PRKCA: variants seen among roughly 807,000 people sequenced by gnomAD.
PRKCA encodes protein kinase C alpha.
PRKCA carries 27 observed loss-of-function variants against 87.0 expected under a neutral mutation model. That is an observed-to-expected ratio of 0.31 (90% confidence interval 0.23 to 0.43). The LOEUF (loss-of-function observed/expected upper bound fraction) is 0.43, where lower values mean the gene tolerates loss of function less well. Ranked by LOEUF, PRKCA falls within the 20% of genes least tolerant of loss-of-function variation. PRKCA has a pLI of 1.00. For missense variants in PRKCA, 518 were observed against 852.3 expected, an observed-to-expected ratio of 0.61 and a Z score of 4.88; for synonymous variants, 329 against 311.1, an observed-to-expected ratio of 1.06 and a Z score of -0.61.
intron 2 of PRKCA, among the ~76,000 whole-genome samples, chr17:66,388,083 G>A (rs562281714): frequency 6.6e-6 from 1 of 152,248 alleles, no homozygotes; most frequent in East Asian, 1.9e-4. Flanking sequence ...CTGGGCTTGA[G>A]GCAGGGGGAG....
At chr17:66,564,465 A>G (rs1214407983) in intron 3 of PRKCA, among the ~76,000 whole-genome samples, 2 of 152,136 alleles carry the variant, frequency 1.3e-5, no homozygotes, top group Non-Finnish European at 1.5e-5. Flanking sequence ...GCTTCTGGGA[A>G]AAAGAGGAAT....
At chr17:66,410,955 C>CTT (rs1477322676) in intron 2 of PRKCA, among the ~76,000 whole-genome samples, 1 of 152,160 alleles carries the variant, frequency 6.6e-6, no homozygotes, top group East Asian at 1.9e-4. Context: ...TTTGCTTTTG[C>CTT]TTTGCCTTAG....
At chr17:66,768,092 T>C (rs974624740) in intron 13 of PRKCA, among the ~76,000 whole-genome samples, 1 of 152,066 alleles carries the variant, frequency 6.6e-6, no homozygotes. Flanking sequence ...TACAGGTGTG[T>C]GCCACCGGAC....
intron 3 of PRKCA, among the ~76,000 whole-genome samples, chr17:66,513,410 A>G (rs1835152353): frequency 6.6e-6 from 1 of 152,254 alleles, no homozygotes; most frequent in Non-Finnish European, 1.5e-5. Flanking sequence ...TAATGTTTAG[A>G]ATATGCAGCC....
At chr17:66,354,655 T>G in intron 2 of PRKCA, among the ~76,000 whole-genome samples, 1 of 152,202 alleles carries the variant, frequency 6.6e-6, no homozygotes, top group African/African-American at 2.4e-5. Flanking sequence ...ATATTTGGCC[T>G]CGGACTGCCT....
At position 66,527,112 on chromosome 17, in the gene PRKCA, A is replaced by G. The variant is rs76652324; in HGVS notation, c.288+30829A>G. ...GCCTGCAGAGTTGAAAACATTGACT[A>G]CCGGGTTCTTTGCAGGTAAAGTTAG... On this transcript the variant is annotated intron_variant, in intron 3 of 16. Coordinates refer to ENST00000413366, the MANE Select transcript of PRKCA (RefSeq NM_002737.3). Among the ~76,000 whole-genome samples the G allele has an allele frequency of 5.7e-3, 865 of 152,168 alleles. 7 individuals carry two copies. Among genetic ancestry groups the G allele is most frequent in the African/African-American group, 0.019 (777 of 41,508 alleles).
At chr17:66,460,671 G>T (rs11652333) in intron 2 of PRKCA, among the ~76,000 whole-genome samples, 1,605 of 152,268 alleles carry the variant, frequency 0.011, 13 homozygotes, top group South Asian at 0.019. Context: ...GCTGGGTTTT[G>T]TGCCAACCTG....
chr17:66,484,911 C>T (rs1915932695), intron 2 of PRKCA, among the ~76,000 whole-genome samples: 1 of 150,344 alleles, frequency 6.7e-6, no homozygotes, highest in African/African-American at 2.4e-5. Context: ...AAAGGTAAAA[C>T]TACTTAATGA....
At chr17:66,423,299 TGTCTGA>T (rs914197592) in intron 2 of PRKCA, among the ~76,000 whole-genome samples, 1 of 152,220 alleles carries the variant, frequency 6.6e-6, no homozygotes, top group Non-Finnish European at 1.5e-5. Context: ...CCCGGTTTCT[TGTCTGA>T]TGCAACCTTT....
chr17:66,302,841 T>TGG lies in PRKCA; in HGVS notation c.-5_-4dup, dbSNP rs759335653. ...CTCCCCGGCGGAGGCAAGAGGTGGT[T>TGG]GGGGGGGACCATGGCTGACGTTTTC... On this transcript the variant is annotated 5_prime_UTR_variant, in exon 1 of 17. Coordinates refer to ENST00000413366, the MANE Select transcript of PRKCA (RefSeq NM_002737.3). The TGG allele has an allele frequency of 0.017, 27,001 of 1,576,378 alleles. 255 individuals carry two copies. The highest frequency in any genetic ancestry group is 0.021 in the Non-Finnish European group (24,313 of 1,161,140).
intron 3 of PRKCA, among the ~76,000 whole-genome samples, chr17:66,616,567 C>A (rs549105285): frequency 6.6e-6 from 1 of 152,340 alleles, no homozygotes; most frequent in East Asian, 1.9e-4. Flanking sequence ...AGGGCAAGTT[C>A]CATCCATCTC....
chr17:66,793,300 G>A (rs912208849), intron 16 of PRKCA, among the ~76,000 whole-genome samples: 3 of 152,068 alleles, frequency 2.0e-5, no homozygotes, highest in Non-Finnish European at 4.4e-5. Flanking sequence ...ATCAAAAAGA[G>A]GCCTGTAGGC....
chr17:66,553,065 T>A (rs1312252806), intron 3 of PRKCA, among the ~76,000 whole-genome samples: 1 of 151,964 alleles, frequency 6.6e-6, no homozygotes, highest in Non-Finnish European at 1.5e-5. Flanking sequence ...CACTGCAACC[T>A]CTGCCCCCTG....
At chr17:66,644,814 G>A (rs962256059) in intron 4 of PRKCA, among the ~76,000 whole-genome samples, 1 of 152,010 alleles carries the variant, frequency 6.6e-6, no homozygotes, top group African/African-American at 2.4e-5. Flanking sequence ...ATGACATAAA[G>A]AATTCATTAG....
At chr17:66,441,162 C>CA (rs199828612) in intron 2 of PRKCA, among the ~76,000 whole-genome samples, 6,049 of 106,358 alleles carry the variant, frequency 0.057, 497 homozygotes, top group African/African-American at 0.13. Context: ...ACTCTGTCTC[C>CA]AAAAAAAAAA....
chr17:66,366,952 C>G (rs1459915794), intron 2 of PRKCA, among the ~76,000 whole-genome samples: 1 of 152,190 alleles, frequency 6.6e-6, no homozygotes, highest in Non-Finnish European at 1.5e-5. Context: ...GAGGTTTTTA[C>G]TCCACGTTGG....
At chr17:66,762,978 A>G (rs911202944) in intron 13 of PRKCA, among the ~76,000 whole-genome samples, 1 of 152,138 alleles carries the variant, frequency 6.6e-6, no homozygotes, top group African/African-American at 2.4e-5. Flanking sequence ...TTTAGTAGAG[A>G]CAGAGTTTCA....
At chr17:66,650,379 G>T (rs1971562131) in intron 5 of PRKCA, among the ~76,000 whole-genome samples, 1 of 151,686 alleles carries the variant, frequency 6.6e-6, no homozygotes, top group Admixed American at 6.6e-5. Context: ...TCTTCTGATA[G>T]GAGATTGTAA....
At chr17:66,337,126 A>G (rs1906748176) in intron 2 of PRKCA, among the ~76,000 whole-genome samples, 1 of 151,888 alleles carries the variant, frequency 6.6e-6, no homozygotes, top group South Asian at 2.1e-4. Flanking sequence ...GAATCTGTTT[A>G]ATTAGATCAT....
Sources: allele counts gnomAD v4.1 joint callset (sites outside exome capture counted in the v4.1 genomes callset), GRCh38; gene constraint gnomAD v4.1.1; transcripts MANE v1.5; gene names NCBI Gene and HGNC (gene_info 2026-07-23, HGNC 2026-07-21).